SEC62: variants seen among roughly 807,000 people sequenced by gnomAD.
The protein encoded by SEC62 is translocation protein SEC62.
In SEC62, 10 loss-of-function variants were observed where a neutral mutation model predicts 47.5. The observed-to-expected ratio is 0.21, with a 90% CI of 0.13 to 0.36. The LOEUF (loss-of-function observed/expected upper bound fraction) is 0.36, where lower values mean the gene tolerates loss of function less well. SEC62 is among the 10% of genes least tolerant of loss of function. The pLI is 1.00. For synonymous variants in SEC62, 136 were observed against 150.5 expected (o/e 0.90, Z 0.71); for missense variants, 327 against 464.1 (o/e 0.70, Z 2.71).
Position 169,992,471 on chromosome 3 carries a change from T to C in SEC62, c.731-123T>C. On this transcript the variant is annotated intron_variant, in intron 7 of 7. Coordinates refer to ENST00000337002, the MANE Select transcript of SEC62 (RefSeq NM_003262.4). The surrounding 1 kb of genome is among the most constrained non-coding windows in gnomAD (Gnocchi z 4.0). ...CCCAGCACTAATCAGGATTTAAATATTAATATTTAAGGTGTATGAAATGTG... is the reference window on the plus strand; with the variant it reads ...CCCAGCACTAATCAGGATTTAAATACTAATATTTAAGGTGTATGAAATGTG... The C allele has an allele frequency of 1.5e-6, 1 of 679,686 alleles. No individual in the cohort carries two copies. 42.1% of individuals were successfully genotyped at this position (679,686 alleles called of 1,614,324 possible).
intron 3 of SEC62, among the ~76,000 whole-genome samples, chr3:169,982,254 A>G (rs1418632168): frequency 6.6e-6 from 1 of 152,206 alleles, no homozygotes; most frequent in Admixed American, 6.5e-5. Context: ...AATAACACCA[A>G]GAAAGCTGAA....
In SEC62 at chr3:169,993,070, T is replaced by C; in HGVS notation, c.*7T>C. ...TTCACATGAAAAATCATAATCTGAC[T>C]AATTTTGGGACTGAATGAATAAGTA... On this transcript the variant is annotated 3_prime_UTR_variant, in exon 8 of 8. Transcript: ENST00000337002. The C allele has an allele frequency of 6.4e-7, 1 of 1,571,432 alleles. No individual in the cohort carries two copies. Among genetic ancestry groups the C allele is most frequent in the South Asian group, 1.2e-5 (1 of 83,228 alleles).
intron 1 of SEC62, among the ~76,000 whole-genome samples, chr3:169,969,857 T>G (rs1017400437): frequency 2.0e-5 from 3 of 152,178 alleles, no homozygotes; most frequent in Non-Finnish European, 2.9e-5. Context: ...TCCAGTTGAG[T>G]TTTGAGACAT....
intron 2 of SEC62, 65 bp from the exon 3 acceptor site, chr3:169,976,881 A>G (rs1714850440): frequency 9.0e-7 from 1 of 1,105,520 alleles, no homozygotes; most frequent in Non-Finnish European, 1.3e-6. Context: ...ACTTTATAAA[A>G]TATTATTTAG....
Position 169,988,366 on chromosome 3 carries a change from A to G in SEC62, c.730+7A>G. 6.2e-7 allele frequency: 1 copy of G among 1,613,028 alleles called. No individual in the cohort carries two copies. Among genetic ancestry groups the G allele is most frequent in the Non-Finnish European group, 8.5e-7 (1 of 1,179,264 alleles). On this transcript the variant is annotated splice_region_variant and intron_variant, in intron 7 of 7. Coordinates refer to ENST00000337002, the MANE Select transcript of SEC62 (RefSeq NM_003262.4). ...ATTCTTCTCCTTGCTGTTGGTAAGT[A>G]TTGTTATTATAAAATTGACCTCAAG... is the stretch of plus-strand genomic sequence containing the variant.
At chr3:169,990,467 G>A (rs1236716956) in intron 7 of SEC62, among the ~76,000 whole-genome samples, 2 of 151,568 alleles carry the variant, frequency 1.3e-5, no homozygotes, top group South Asian at 2.1e-4. Context: ...TTTCACTCTC[G>A]GTAATCTAGT....
At chr3:169,989,150 G>T (rs1321315340) in intron 7 of SEC62, among the ~76,000 whole-genome samples, 1 of 150,738 alleles carries the variant, frequency 6.6e-6, no homozygotes, top group African/African-American at 2.4e-5. Flanking sequence ...CTGAAGTGCA[G>T]TGGTGAGATC....
At chr3:169,975,536 T>G in intron 1 of SEC62, 72 bp from the exon 2 acceptor site, 1 of 987,004 alleles carries the variant, frequency 1.0e-6, no homozygotes, top group Non-Finnish European at 1.6e-6. Flanking sequence ...TAAAATAGAT[T>G]TGTAAATTAT....
At chr3:169,989,072 A>G (rs77105401) in intron 7 of SEC62, among the ~76,000 whole-genome samples, 507 of 151,596 alleles carry the variant, frequency 3.3e-3, no homozygotes, top group African/African-American at 0.012. Context: ...AATTTTCCGC[A>G]TTTCTGGATG....
rs1419071072 is a variant in SEC62, at chr3:169,995,484, A to T, written c.*2421A>T. ...TAGATTTAGTTGAATACTATTCAGG[A>T]AGTAATAAATTTTAATATATCACAT... On this transcript the variant is annotated 3_prime_UTR_variant, in exon 8 of 8. Transcript: ENST00000337002. 6.6e-6 allele frequency: 1 copy of T among 152,198 alleles called. No homozygotes were observed. Among genetic ancestry groups the T allele is most frequent in the Non-Finnish European group, 1.5e-5 (1 of 68,028 alleles). 9.4% of individuals were successfully genotyped at this position (152,198 alleles called of 1,614,324 possible). A position where few individuals can be genotyped will look rare whatever the true frequency, so the allele number is the denominator to read the frequency against.
At chr3:169,988,444 G>A in intron 7 of SEC62, 85 bp downstream of exon 7, 3 of 1,433,222 alleles carry the variant, frequency 2.1e-6, no homozygotes, top group Non-Finnish European at 1.9e-6. Flanking sequence ...TAAAGCTTAA[G>A]AAAAATTAAT....
intron 3 of SEC62, 36 bp downstream of exon 3, chr3:169,977,087 A>T: frequency 6.8e-7 from 1 of 1,465,144 alleles, no homozygotes; most frequent in Non-Finnish European, 9.4e-7. Context: ...TAACATAATA[A>T]TTTTAAATTT....
chr3:169,982,571 CG>C, intron 3 of SEC62, 135 bp from the exon 4 acceptor site: 1 of 1,005,024 alleles, frequency 1.0e-6, no homozygotes, highest in Non-Finnish European at 1.5e-6. Flanking sequence ...TACTTTTTCA[CG>C]GGCATACTAG....
Position 169,985,807 on chromosome 3 carries a change from G to A in SEC62, c.552G>A (p.Val184=). 6.2e-7 allele frequency: 1 copy of A among 1,610,910 alleles called. No individual in the cohort carries two copies. Among genetic ancestry groups the A allele is most frequent in the East Asian group, 2.2e-5 (1 of 44,682 alleles). The change falls in exon 6 of 8, where the codon GTG becomes GTA. Residue 184 remains valine (V), a splice_region_variant and synonymous_variant. Coordinates refer to ENST00000337002, the MANE Select transcript of SEC62 (RefSeq NM_003262.4). The stretch of plus-strand genomic sequence containing the variant: ...CCGAGGTTTCTTGATTCTTCTAGGT[G>A]TATGTATGGATCTATGACCCAGTTC... ...DDQVFLDGNE[V]YVWIYDPVHF... is the part of the protein sequence containing the mutation.
intron 7 of SEC62, among the ~76,000 whole-genome samples, chr3:169,988,950 C>G (rs1715171168): frequency 6.6e-6 from 1 of 151,974 alleles, no homozygotes; most frequent in East Asian, 1.9e-4. Flanking sequence ...TGATTCTAAA[C>G]AATTGATTTG....
At chr3:169,968,415 A>G (rs1000335840) in intron 1 of SEC62, 1 of 152,094 alleles carries the variant, frequency 6.6e-6, no homozygotes, top group African/African-American at 2.4e-5. Flanking sequence ...AGTGGCAGAG[A>G]GCTAAAACTT....
At position 169,984,166 on chromosome 3, in the gene SEC62, A is replaced by G. The variant is rs1576861712; in HGVS notation, c.549+913A>G. ...TGGCTCCTAGGGTTGTGTGTTTGAA[A>G]TTCTTACTTGCATGAGACTATCTAG... On this transcript the variant is annotated intron_variant, in intron 5 of 7. Transcript: ENST00000337002. Among the ~76,000 whole-genome samples, 5 of 152,308 alleles carry G rather than the reference A, an allele frequency of 3.3e-5. 1 individual carries two copies. In the South Asian group the frequency reaches 1.0e-3, roughly 32 times the overall value.
chr3:169,995,008 A>G lies in SEC62; in HGVS notation c.*1945A>G, dbSNP rs1348627712. 2.0e-5 allele frequency: 3 copies of G among 152,170 alleles called. No individual in the cohort carries two copies. Among genetic ancestry groups the G allele is most frequent in the Non-Finnish European group, 4.4e-5 (3 of 68,004 alleles). The allele number at this position is 152,170 out of a possible 1,614,324, so 9.4% of individuals were successfully genotyped here. On this transcript the variant is annotated 3_prime_UTR_variant, in exon 8 of 8. Coordinates refer to ENST00000337002, the MANE Select transcript of SEC62 (RefSeq NM_003262.4). Reference sequence around the variant, plus strand: ...CATTCTTACTATGGTTAGAAAGTGAATTAGAAATTTCAGCTCAGTTTCTAT... The same window carrying G: ...CATTCTTACTATGGTTAGAAAGTGAGTTAGAAATTTCAGCTCAGTTTCTAT...
chr3:169,967,026 G>C (rs892411641), intron 1 of SEC62, among the ~76,000 whole-genome samples, 168 bp downstream of exon 1: 6 of 152,210 alleles, frequency 3.9e-5, no homozygotes, highest in African/African-American at 1.2e-4. Flanking sequence ...AGGGGCCTGA[G>C]GGGGGGCGGT....
Sources: allele counts gnomAD v4.1 joint callset (sites outside exome capture counted in the v4.1 genomes callset), GRCh38; gene constraint gnomAD v4.1.1; non-coding constraint Gnocchi (gnomAD v3.1); transcripts MANE v1.5; gene names NCBI Gene and HGNC (gene_info 2026-07-23, HGNC 2026-07-21).